Variants in RTN4 observed in about 807,000 individuals in gnomAD.
RTN4 encodes the protein reticulon 4.
Under a neutral mutation model 90.4 loss-of-function variants are expected in RTN4, and 32 were observed. The observed-to-expected ratio is 0.35, with a 90% CI of 0.27 to 0.48. The LOEUF (loss-of-function observed/expected upper bound fraction) is 0.48, where lower values mean the gene tolerates loss of function less well. Ranked by LOEUF, RTN4 falls within the 20% of genes least tolerant of loss-of-function variation. The pLI is 0.99. For synonymous variants in RTN4, 629 were observed against 552.5 expected, an observed-to-expected ratio of 1.14 and a Z score of -1.94; for missense variants, 1,706 against 1,430.2, an observed-to-expected ratio of 1.19 and a Z score of -3.11.
upstream of RTN4, among the ~76,000 whole-genome samples, chr2:55,116,993 C>T (rs1668137666): frequency 6.6e-6 from 1 of 151,070 alleles, no homozygotes; most frequent in African/African-American, 2.4e-5. Flanking sequence ...CCTGCTGCAG[C>T]CTCCCAAGTA....
chr2:55,062,456 C>T (rs1323687811), intron 2 of RTN4, among the ~76,000 whole-genome samples: 2 of 152,212 alleles, frequency 1.3e-5, no homozygotes, highest in African/African-American at 4.8e-5. Context: ...CGTCTGTGTG[C>T]TCCCCTAGAG....
At chr2:55,055,792 A>C (rs1375221830), upstream of RTN4, among the ~76,000 whole-genome samples, 2 of 151,758 alleles carry the variant, frequency 1.3e-5, no homozygotes, top group Admixed American at 6.6e-5. Flanking sequence ...AAAAAAAACA[A>C]AAACAAAAAC....
intron 4 of RTN4, among the ~76,000 whole-genome samples, chr2:54,984,496 G>C (rs941796184): frequency 6.6e-6 from 1 of 152,188 alleles, no homozygotes; most frequent in Non-Finnish European, 1.5e-5. Context: ...ATATAACCCT[G>C]GTTGGTATTC....
At chr2:54,984,588 A>C (rs912169472) in intron 4 of RTN4, among the ~76,000 whole-genome samples, 4 of 152,188 alleles carry the variant, frequency 2.6e-5, no homozygotes, top group African/African-American at 9.7e-5. Flanking sequence ...CTCCCCATCA[A>C]TGACATCCTG....
At chr2:55,124,843 A>G in the RTN4 span, among the ~76,000 whole-genome samples, 2 of 152,268 alleles carry the variant, frequency 1.3e-5, no homozygotes, top group South Asian at 4.1e-4. Context: ...CCAAAACAGC[A>G]TGGTACTGGT....
chr2:55,044,783 A>AC (rs1683304331), intron 1 of RTN4, among the ~76,000 whole-genome samples: 1 of 105,972 alleles, frequency 9.4e-6, no homozygotes, highest in African/African-American at 3.8e-5. Flanking sequence ...TTTGCAAATC[A>AC]CTAAAAAAAA....
At chr2:55,120,281 C>A in the RTN4 span, among the ~76,000 whole-genome samples, 1 of 152,334 alleles carries the variant, frequency 6.6e-6, no homozygotes, top group African/African-American at 2.4e-5. Flanking sequence ...CTTTAGCTCT[C>A]CGAAGCCACT....
chr2:55,098,997 G>A (rs2968810), intron 1 of RTN4, among the ~76,000 whole-genome samples: 147,804 of 152,228 alleles, frequency 0.97, 71,805 homozygotes, highest in Admixed American at 0.99. Context: ...CAGGAGGTCC[G>A]TACTGTTTGG....
chr2:54,985,918 T>A (rs992592511), intron 4 of RTN4, among the ~76,000 whole-genome samples: 1 of 152,206 alleles, frequency 6.6e-6, no homozygotes, highest in Non-Finnish European at 1.5e-5. Flanking sequence ...CTCAATCTAT[T>A]TGAAGAAAAA....
At chr2:54,983,847 T>G (rs763773444) in intron 4 of RTN4, among the ~76,000 whole-genome samples, 2 of 152,192 alleles carry the variant, frequency 1.3e-5, no homozygotes, top group Non-Finnish European at 2.9e-5. Flanking sequence ...ATTTAACTTC[T>G]CTGGGTAAGT....
chr2:55,018,728 C>T lies in RTN4; in HGVS notation c.3013+6358G>A, dbSNP rs542113605. 2.6e-5 allele frequency among the ~76,000 whole-genome samples: 4 copies of T among 152,132 alleles called. No individual in the cohort carries two copies. The South Asian group carries it at 8.3e-4, about 32-fold the overall frequency. On this transcript the variant is annotated intron_variant, in intron 3 of 8. Coordinates refer to ENST00000337526, the MANE Select transcript of RTN4 (RefSeq NM_020532.5). Reference sequence around the variant, plus strand: ...AGAATTAGAGGTATCTATGTGAACTCATTTCTTAAGTATGTATGTGTATGT... The same window carrying T: ...AGAATTAGAGGTATCTATGTGAACTTATTTCTTAAGTATGTATGTGTATGT...
At position 55,026,061 on chromosome 2, in the gene RTN4, G is replaced by T; in HGVS notation, c.2038C>A (p.Pro680Thr). The T allele has an allele frequency of 6.2e-7, 1 of 1,610,342 alleles. No homozygotes were observed. Among genetic ancestry groups the T allele is most frequent in the Non-Finnish European group, 8.5e-7 (1 of 1,179,108 alleles). ...TGAAGAGCTGCATTAATATTTTCAGGCTCTTTAATTTCTTCCTTTATTCCT... is the reference window on the plus strand; with the variant it reads ...TGAAGAGCTGCATTAATATTTTCAGTCTCTTTAATTTCTTCCTTTATTCCT... ...VSGIKEEIKE[P>T]ENINAALQET... Residue 680 changes from proline (P) to threonine (T), a missense_variant, in exon 3 of 9, where the codon CCT becomes ACT. Pro to Thr is a conservative substitution (Grantham distance 38). Transcript: ENST00000337526.
intron 3 of RTN4, among the ~76,000 whole-genome samples, chr2:55,013,608 T>TGG (rs57840770): frequency 1.6e-5 from 1 of 62,522 alleles, no homozygotes; most frequent in Non-Finnish European, 3.3e-5. Flanking sequence ...GGTTTTTTTT[T>TGG]GGGGGGGGGG....
the RTN4 span, among the ~76,000 whole-genome samples, chr2:55,118,932 C>G: frequency 6.6e-6 from 1 of 152,192 alleles, no homozygotes; most frequent in East Asian, 1.9e-4. Context: ...GTATTCTACA[C>G]AAAATGCAAA....
chr2:54,999,964 T>C (rs921504145), intron 3 of RTN4, among the ~76,000 whole-genome samples: 2 of 152,160 alleles, frequency 1.3e-5, no homozygotes, highest in Non-Finnish European at 2.9e-5. Context: ...TTAGTATCAA[T>C]ATGATCTGAG....
intron 1 of RTN4, among the ~76,000 whole-genome samples, chr2:55,099,194 C>T (rs1553453000): frequency 6.6e-6 from 1 of 151,836 alleles, no homozygotes. Flanking sequence ...ATAAGGAAGG[C>T]AGAAAAAAAT....
intron 3 of RTN4, among the ~76,000 whole-genome samples, chr2:54,994,967 G>A (rs375296181): frequency 2.0e-5 from 3 of 152,072 alleles, no homozygotes; most frequent in South Asian, 2.1e-4. Flanking sequence ...AATAAAGGTC[G>A]GGCGCAGTGG....
intron 1 of RTN4, among the ~76,000 whole-genome samples, chr2:55,112,142 T>C (rs2105068729): frequency 6.6e-6 from 1 of 152,248 alleles, no homozygotes; most frequent in East Asian, 1.9e-4. Context: ...GGGAGCGTGT[T>C]CAGGACTATA....
At chr2:54,976,980 G>C (rs1045699515) in intron 5 of RTN4, among the ~76,000 whole-genome samples, 2 of 152,220 alleles carry the variant, frequency 1.3e-5, no homozygotes, top group Non-Finnish European at 2.9e-5. Flanking sequence ...AGGGGCAAGG[G>C]CCACATCTGG....
Sources: allele counts gnomAD v4.1 joint callset (sites outside exome capture counted in the v4.1 genomes callset), GRCh38; gene constraint gnomAD v4.1.1; transcripts MANE v1.5; gene names NCBI Gene and HGNC (gene_info 2026-07-23, HGNC 2026-07-21).